ZNF148: variants seen among roughly 807,000 people sequenced by gnomAD.
The protein encoded by ZNF148 is Beta-Enolase Repressor Factor-1.
ZNF148 carries 7 observed loss-of-function variants against 67.7 expected under a neutral mutation model. The ratio of observed to expected loss-of-function variants is 0.10; its 90% CI spans 0.06 to 0.19. The LOEUF is 0.19. ZNF148 is among the 10% of genes least tolerant of loss of function. The pLI is 1.00. For missense variants in ZNF148, 583 were observed against 947.1 expected, an observed-to-expected ratio of 0.62 and a Z score of 5.05; for synonymous variants, 333 against 330.7, an observed-to-expected ratio of 1.01 and a Z score of -0.08.
chr3:125,310,240 C>T (rs992256348), intron 4 of ZNF148, among the ~76,000 whole-genome samples: 6 of 151,816 alleles, frequency 4.0e-5, no homozygotes, highest in Admixed American at 2.0e-4. Context: ...CCACCATGCC[C>T]GGCTAATTTT....
At chr3:125,340,308 CAATA>C (rs1183800275) in intron 1 of ZNF148, among the ~76,000 whole-genome samples, 2 of 152,160 alleles carry the variant, frequency 1.3e-5, no homozygotes, top group Admixed American at 6.5e-5. Context: ...GCCCAAATGA[CAATA>C]AAGACCACAG....
At chr3:125,314,066 AAT>A (rs1405797120) in intron 3 of ZNF148, among the ~76,000 whole-genome samples, 4 of 152,118 alleles carry the variant, frequency 2.6e-5, no homozygotes, top group African/African-American at 7.2e-5. Flanking sequence ...AAAATTTAGA[AAT>A]AGTCATTAAG....
chr3:125,238,605 G>T (rs1936201811), intron 7 of ZNF148, among the ~76,000 whole-genome samples: 1 of 152,166 alleles, frequency 6.6e-6, no homozygotes, highest in Non-Finnish European at 1.5e-5. Context: ...TCTAGTCTGG[G>T]CGACAGAAAA....
At chr3:125,344,520 T>C (rs1941863647) in intron 1 of ZNF148, 1 of 1,136,046 alleles carries the variant, frequency 8.8e-7, no homozygotes, top group Non-Finnish European at 1.3e-6. Context: ...GGTTACAAAA[T>C]GTGAAGCCAA....
At chr3:125,322,501 C>T (rs553482845) in intron 3 of ZNF148, among the ~76,000 whole-genome samples, 6 of 131,282 alleles carry the variant, frequency 4.6e-5, no homozygotes, top group African/African-American at 1.7e-4. Context: ...GACAAAGAGC[C>T]AGAGGGATCT....
At chr3:125,371,723 G>C (rs947576663) in intron 1 of ZNF148, among the ~76,000 whole-genome samples, 1 of 150,308 alleles carries the variant, frequency 6.7e-6, no homozygotes, top group Non-Finnish European at 1.5e-5. Context: ...TCATTTTAAT[G>C]CATTTCCAGA....
In ZNF148 at chr3:125,232,998, T is replaced by C; in HGVS notation, c.1728A>G (p.Ser576=). ...EVTSSISINS[S]EVPEVTPSEN... ...CTGACGGGGTGACCTCTGGTACTTCTGAAGAATTTATTGATATGCTAGAAG... is the reference window on the plus strand; with the variant it reads ...CTGACGGGGTGACCTCTGGTACTTCCGAAGAATTTATTGATATGCTAGAAG... The change falls in exon 9 of 9, where the codon TCA becomes TCG. Residue 576 remains serine (S), a synonymous_variant. Transcript: ENST00000360647. The surrounding 1 kb of genome is among the most constrained non-coding windows in gnomAD (Gnocchi z 4.2). The C allele has an allele frequency of 6.2e-7, 1 of 1,613,784 alleles. No individual in the cohort carries two copies. Among genetic ancestry groups the C allele is most frequent in the Non-Finnish European group, 8.5e-7 (1 of 1,179,838 alleles).
chr3:125,323,922 G>A (rs1490130888), intron 2 of ZNF148, among the ~76,000 whole-genome samples: 1 of 149,882 alleles, frequency 6.7e-6, no homozygotes, highest in Non-Finnish European at 1.5e-5. Context: ...TTGCGCCACT[G>A]CACTCCAGCC....
chr3:125,356,822 AG>A (rs540709738), intron 1 of ZNF148, among the ~76,000 whole-genome samples: 49 of 152,342 alleles, frequency 3.2e-4, no homozygotes, highest in Non-Finnish European at 5.7e-4. Flanking sequence ...AAGTCTGGAG[AG>A]CAAAAGTTTG....
At position 125,313,523 on chromosome 3, in the gene ZNF148, C is replaced by T; in HGVS notation, c.118G>A (p.Gly40Arg). The T allele has an allele frequency of 6.2e-7, 1 of 1,614,160 alleles. No homozygotes were observed. Among genetic ancestry groups the T allele is most frequent in the South Asian group, 1.1e-5 (1 of 91,090 alleles). The change falls in exon 4 of 9, where the codon GGA (glycine) becomes AGA (arginine). Residue 40 changes from glycine (G) to arginine (R), a missense_variant. Gly to Arg is a moderately radical substitution (Grantham distance 125). Around this residue, in one of 5 missense-constraint regions of ZNF148, gnomAD observed 150 missense variants for 202.5 expected, o/e 0.74. Coordinates refer to ENST00000360647, the MANE Select transcript of ZNF148 (RefSeq NM_021964.3). The stretch of plus-strand genomic sequence containing the variant: ...TGAAGTACTGAATCCTGTAGCTCTC[C>T]AGACACAGTAGACTGGCCAGACACT... ...GGVSGQSTVS[G>R]ELQDSVLQDR...
intron 1 of ZNF148, among the ~76,000 whole-genome samples, chr3:125,333,570 A>C (rs555139229): frequency 6.6e-6 from 1 of 152,222 alleles, no homozygotes; most frequent in Non-Finnish European, 1.5e-5. Context: ...GGAAACGGAA[A>C]CCATGCAAAT....
At chr3:125,351,987 C>A (rs892153144) in intron 1 of ZNF148, among the ~76,000 whole-genome samples, 2 of 152,066 alleles carry the variant, frequency 1.3e-5, no homozygotes, top group Admixed American at 6.6e-5. Context: ...CTGGAAGTTA[C>A]TCAAATGGTT....
At chr3:125,303,587 G>A (rs1433904071) in intron 4 of ZNF148, among the ~76,000 whole-genome samples, 1 of 152,136 alleles carries the variant, frequency 6.6e-6, no homozygotes, top group Non-Finnish European at 1.5e-5. Context: ...AGAACCTAAT[G>A]CCTAATTGAT....
intron 7 of ZNF148, among the ~76,000 whole-genome samples, chr3:125,269,005 A>C (rs889204806): frequency 8.5e-5 from 13 of 152,252 alleles, no homozygotes; most frequent in African/African-American, 3.1e-4. Flanking sequence ...AGCAAAAAAC[A>C]ACCCCATTAA....
At chr3:125,316,220 T>C (rs1475847221) in intron 3 of ZNF148, among the ~76,000 whole-genome samples, 2 of 152,214 alleles carry the variant, frequency 1.3e-5, no homozygotes, top group East Asian at 1.9e-4. Context: ...ATTGTGCATA[T>C]GTACATTTTC....
intron 4 of ZNF148, among the ~76,000 whole-genome samples, chr3:125,309,036 G>T (rs1315134312): frequency 2.0e-5 from 3 of 152,064 alleles, no homozygotes; most frequent in Non-Finnish European, 4.4e-5. Context: ...TTCTCATCAA[G>T]GACAATGACA....
At chr3:125,271,278 C>T (rs1337313388) in intron 7 of ZNF148, among the ~76,000 whole-genome samples, 1 of 152,202 alleles carries the variant, frequency 6.6e-6, no homozygotes, top group Non-Finnish European at 1.5e-5. Flanking sequence ...CCACTCTCCC[C>T]GTCCTTCCTG....
chr3:125,261,825 GTT>G (rs1553809856), intron 7 of ZNF148, among the ~76,000 whole-genome samples: 14 of 138,960 alleles, frequency 1.0e-4, no homozygotes, highest in Admixed American at 1.4e-4. Context: ...GGGTTGACAA[GTT>G]TTTTTTTTTT....
At chr3:125,356,723 G>A (rs1475851384) in intron 1 of ZNF148, among the ~76,000 whole-genome samples, 2 of 152,070 alleles carry the variant, frequency 1.3e-5, no homozygotes, top group Non-Finnish European at 1.5e-5. Flanking sequence ...CAAGCTGTTG[G>A]AAAGAGCTTC....
Sources: gnomAD v4.1 joint callset for allele counts (sites outside exome capture counted in the v4.1 genomes callset) on GRCh38, gnomAD v4.1.1 for gene constraint, gnomAD v4.1.1 regional missense constraint, Gnocchi (gnomAD v3.1) non-coding constraint, MANE v1.5 for transcripts, NCBI Gene and HGNC (gene_info 2026-07-23, HGNC 2026-07-21) for gene names.